NELL1: variants seen among roughly 807,000 people sequenced by gnomAD.
NELL1 encodes protein kinase C-binding protein NELL1.
Under a neutral mutation model 107.4 loss-of-function variants are expected in NELL1, and 76 were observed. That is an observed-to-expected ratio of 0.71 (90% confidence interval 0.59 to 0.86). The LOEUF is 0.86. NELL1 is among the 40% of genes least tolerant of loss of function. The probability of loss-of-function intolerance (pLI) is 0.00; values close to 1 mark genes in which losing one functional copy is unlikely to be tolerated. For synonymous variants in NELL1, 353 were observed against 341.2 expected (o/e 1.03, Z -0.38); for missense variants, 1,024 against 1,005.5 (o/e 1.02, Z -0.25).
intron 14 of NELL1, among the ~76,000 whole-genome samples, chr11:21,237,688 A>G (rs1858245770): frequency 6.6e-6 from 1 of 152,138 alleles, no homozygotes; most frequent in Non-Finnish European, 1.5e-5. Context: ...TGATCAGACT[A>G]TAGTCTGAAT....
At chr11:21,551,942 G>C (rs1591029364) in intron 16 of NELL1, among the ~76,000 whole-genome samples, 1 of 142,758 alleles carries the variant, frequency 7.0e-6, no homozygotes, top group East Asian at 2.1e-4. Flanking sequence ...ATACACCATG[G>C]AATACTATGC....
In NELL1 at chr11:20,978,244, A is replaced by G. The variant is rs16907168; in HGVS notation, c.1300+17684A>G. 3.8e-3 allele frequency among the ~76,000 whole-genome samples: 582 copies of G among 152,310 alleles called. 20 individuals are homozygous for G. Among genetic ancestry groups the G allele is most frequent in the Admixed American group, 0.029 (439 of 15,308 alleles). ...CAGTCGTGGTTGACAAAAGATGACA[A>G]TGTTGCTGCTGTTGTCGACAGCCAG... is the stretch of plus-strand genomic sequence containing the variant. On this transcript the variant is annotated intron_variant, in intron 12 of 19. Coordinates refer to ENST00000357134, the MANE Select transcript of NELL1 (RefSeq NM_006157.5).
chr11:20,686,501 G>A (rs1205604193), intron 2 of NELL1, among the ~76,000 whole-genome samples: 4 of 152,102 alleles, frequency 2.6e-5, no homozygotes, highest in African/African-American at 9.7e-5. Flanking sequence ...ACCAGAATAG[G>A]TTCAGAGAGA....
In NELL1 at chr11:21,554,462, T is replaced by C. The variant is rs867021613; in HGVS notation, c.1787-5727T>C. Among the ~76,000 whole-genome samples, 14 of 151,938 alleles carry C rather than the reference T, an allele frequency of 9.2e-5. No individual in the cohort carries two copies. The Middle Eastern group carries it at 0.014, about 148-fold the overall frequency. ...AGAATCAGAATTCACGTGGAAATCC[T>C]TGGCAAATCGATGAATGTGTGGGCT... On this transcript the variant is annotated intron_variant, in intron 16 of 19. Coordinates refer to ENST00000357134, the MANE Select transcript of NELL1 (RefSeq NM_006157.5).
At chr11:21,310,967 G>T (rs1003421740) in intron 14 of NELL1, among the ~76,000 whole-genome samples, 2 of 152,046 alleles carry the variant, frequency 1.3e-5, no homozygotes, top group Admixed American at 6.6e-5. Context: ...TTCTTTTCAA[G>T]CTTCGGTATA....
intron 14 of NELL1, among the ~76,000 whole-genome samples, chr11:21,347,749 C>G (rs1267143031): frequency 6.6e-6 from 1 of 152,156 alleles, no homozygotes; most frequent in Non-Finnish European, 1.5e-5. Flanking sequence ...GTAAGAATTT[C>G]TATCCATTTA....
intron 14 of NELL1, among the ~76,000 whole-genome samples, chr11:21,333,391 C>T (rs1850314507): frequency 1.3e-5 from 2 of 151,934 alleles, no homozygotes; most frequent in African/African-American, 4.8e-5. Context: ...ACTACGGCCA[C>T]CATCATTGTT....
intron 5 of NELL1, among the ~76,000 whole-genome samples, chr11:20,886,907 A>G (rs979585932): frequency 2.0e-5 from 3 of 151,796 alleles, no homozygotes; most frequent in African/African-American, 7.3e-5. Context: ...CAGTGTCACA[A>G]GTTTTGGAAA....
At chr11:21,264,908 A>G (rs1283989079) in intron 14 of NELL1, among the ~76,000 whole-genome samples, 1 of 152,022 alleles carries the variant, frequency 6.6e-6, no homozygotes, top group African/African-American at 2.4e-5. Flanking sequence ...CAGTTGAAGA[A>G]AAATAATAAT....
At position 20,735,734 on chromosome 11, in the gene NELL1, G is replaced by A. The variant is rs528171614; in HGVS notation, c.185-47946G>A. On this transcript the variant is annotated intron_variant, in intron 2 of 19. Transcript: ENST00000357134. ...AAGGATGGTAAAGAAACAGAGACAA[G>A]TATAGCCAGCTGTTTATGGGGTTAG... 2.4e-4 allele frequency among the ~76,000 whole-genome samples: 36 copies of A among 152,322 alleles called. No individual in the cohort carries two copies. The South Asian group carries it at 2.9e-3, about 12-fold the overall frequency.
chr11:20,931,413 A>C (rs960325427), intron 9 of NELL1, among the ~76,000 whole-genome samples: 1 of 152,250 alleles, frequency 6.6e-6, no homozygotes, highest in Non-Finnish European at 1.5e-5. Context: ...TTCACATCAG[A>C]AACATGGTAG....
At chr11:21,204,092 G>T (rs909397622) in intron 13 of NELL1, among the ~76,000 whole-genome samples, 52 of 151,908 alleles carry the variant, frequency 3.4e-4, no homozygotes, top group African/African-American at 1.2e-3. Context: ...TGTGTCTTGG[G>T]GTTGCTCTTC....
chr11:20,778,069 A>C (rs1856782643), intron 2 of NELL1, among the ~76,000 whole-genome samples: 1 of 152,204 alleles, frequency 6.6e-6, no homozygotes, highest in Non-Finnish European at 1.5e-5. Context: ...ACGTGAGTTC[A>C]CAGCCATACG....
intron 15 of NELL1, among the ~76,000 whole-genome samples, chr11:21,463,779 A>T (rs1853957459): frequency 6.6e-6 from 1 of 152,156 alleles, no homozygotes; most frequent in South Asian, 2.1e-4. Context: ...AAGAATTCAG[A>T]CAAGGCCAAC....
chr11:21,070,695 A>G (rs768573671), intron 12 of NELL1, among the ~76,000 whole-genome samples: 5 of 152,096 alleles, frequency 3.3e-5, no homozygotes, highest in Non-Finnish European at 7.4e-5. Flanking sequence ...ACCATTCAGC[A>G]CAGTATTATT....
At chr11:21,143,156 G>C (rs1855904671) in intron 13 of NELL1, among the ~76,000 whole-genome samples, 3 of 152,168 alleles carry the variant, frequency 2.0e-5, no homozygotes, top group Non-Finnish European at 2.9e-5. Context: ...TTTTGTGTTT[G>C]TGTTTACCAT....
At chr11:21,032,979 T>C (rs943943249) in intron 12 of NELL1, among the ~76,000 whole-genome samples, 3 of 152,326 alleles carry the variant, frequency 2.0e-5, no homozygotes, top group African/African-American at 7.2e-5. Flanking sequence ...TGAAAATGAC[T>C]ATTTCACTTT....
intron 13 of NELL1, among the ~76,000 whole-genome samples, chr11:21,182,236 GC>G (rs2133825110): frequency 6.6e-6 from 1 of 151,712 alleles, no homozygotes; most frequent in South Asian, 2.1e-4. Context: ...GAGTTCGAGA[GC>G]AGCCTGGCCA....
At chr11:21,297,764 A>G (rs1484837814) in intron 14 of NELL1, among the ~76,000 whole-genome samples, 8 of 152,030 alleles carry the variant, frequency 5.3e-5, no homozygotes, top group Admixed American at 2.6e-4. Context: ...ATGGAGCATA[A>G]TAAGTATTGT....
Sources: allele counts gnomAD v4.1 joint callset (sites outside exome capture counted in the v4.1 genomes callset), GRCh38; gene constraint gnomAD v4.1.1; transcripts MANE v1.5; gene names NCBI Gene and HGNC (gene_info 2026-07-23, HGNC 2026-07-21).